Variants in DOK6 observed in about 807,000 individuals in gnomAD.
The protein encoded by DOK6 is downstream of tyrosine kinase 6.
DOK6 carries 22 observed loss-of-function variants against 44.0 expected under a neutral mutation model. The observed-to-expected ratio is 0.50, with a 90% confidence interval of 0.36 to 0.71. The LOEUF is 0.71. Ranked by LOEUF, DOK6 falls within the 30% of genes least tolerant of loss-of-function variation. DOK6 has a pLI of 0.00. For missense variants in DOK6, 340 were observed against 416.4 expected, an observed-to-expected ratio of 0.82 and a Z score of 1.60; for synonymous variants, 166 against 145.5, an observed-to-expected ratio of 1.14 and a Z score of -1.01.
chr18:69,569,677 A>G (rs998714687), intron 2 of DOK6, among the ~76,000 whole-genome samples: 2 of 152,224 alleles, frequency 1.3e-5, no homozygotes, highest in African/African-American at 4.8e-5. Flanking sequence ...TTTAATTTTA[A>G]AAAAAGTATT....
At position 69,485,881 on chromosome 18, in the gene DOK6, A is replaced by ATGTGTGTGTGTGTGTGTG. The variant is rs3044887; in HGVS notation, c.67-78598_67-78581dup. On this transcript the variant is annotated intron_variant, in intron 1 of 7. Transcript: ENST00000382713. ...ATCCATATATATAGTATACGTATATATGTGTGTGTGTGTGTGTGTGTGTGT... is the reference window on the plus strand; with the variant it reads ...ATCCATATATATAGTATACGTATATATGTGTGTGTGTGTGTGTGTGTGTGTGTGTGTGTGTGTGTGTGT... Among the ~76,000 whole-genome samples, 13 of 147,224 alleles carry ATGTGTGTGTGTGTGTGTG rather than the reference A, an allele frequency of 8.8e-5. 1 individual carries two copies. The highest frequency in any genetic ancestry group is 3.2e-4 in the African/African-American group (13 of 40,080).
chr18:69,545,116 T>TC (rs1555711861), intron 1 of DOK6, among the ~76,000 whole-genome samples: 1 of 145,080 alleles, frequency 6.9e-6, no homozygotes, highest in Admixed American at 6.9e-5. Flanking sequence ...CGAGACACCA[T>TC]AAAAAAAAAA....
rs138566632 is a variant in DOK6, at chr18:69,713,828, T to C, written c.599+15235T>C. 2.0e-3 allele frequency among the ~76,000 whole-genome samples: 309 copies of C among 152,296 alleles called. 1 individual carries two copies. The highest frequency in any genetic ancestry group is 3.4e-3 in the Middle Eastern group (1 of 294). On this transcript the variant is annotated intron_variant, in intron 5 of 7. Coordinates refer to ENST00000382713, the MANE Select transcript of DOK6 (RefSeq NM_152721.6). The stretch of plus-strand genomic sequence containing the variant: ...AAACTCCCAGGATGGTAGATCTGCA[T>C]TGGTGTTGTGGTATATCACCATGAA...
chr18:69,515,433 G>A (rs367673576), intron 1 of DOK6, among the ~76,000 whole-genome samples: 31 of 152,192 alleles, frequency 2.0e-4, no homozygotes, highest in Middle Eastern at 3.4e-3. Flanking sequence ...TTGCTTCGTC[G>A]GTCATCTGTC....
intron 3 of DOK6, among the ~76,000 whole-genome samples, chr18:69,645,747 T>G (rs1487109208): frequency 6.6e-6 from 1 of 152,196 alleles, no homozygotes; most frequent in African/African-American, 2.4e-5. Flanking sequence ...ATAGCAGCTT[T>G]ACTTGTAATA....
chr18:69,540,190 C>T (rs1362060340), intron 1 of DOK6, among the ~76,000 whole-genome samples: 1 of 152,148 alleles, frequency 6.6e-6, no homozygotes, highest in East Asian at 1.9e-4. Flanking sequence ...TGGGTGGGAA[C>T]ACAGAACCTA....
intron 7 of DOK6, among the ~76,000 whole-genome samples, chr18:69,792,092 T>G (rs1170174716): frequency 6.6e-6 from 1 of 152,184 alleles, no homozygotes; most frequent in African/African-American, 2.4e-5. Context: ...GGGTCCCCTA[T>G]ACTCTCCCAT....
chr18:69,710,686 CT>C (rs1986735690), intron 5 of DOK6, among the ~76,000 whole-genome samples: 1 of 152,088 alleles, frequency 6.6e-6, no homozygotes, highest in Admixed American at 6.5e-5. Flanking sequence ...CACTAGATTT[CT>C]TTTGTTAATA....
At chr18:69,415,704 A>C (rs1214447636) in intron 1 of DOK6, among the ~76,000 whole-genome samples, 1 of 152,064 alleles carries the variant, frequency 6.6e-6, no homozygotes, top group African/African-American at 2.4e-5. Flanking sequence ...TCAGCACCTA[A>C]AGGTCAATGC....
At chr18:69,596,663 C>T (rs540764312) in intron 2 of DOK6, among the ~76,000 whole-genome samples, 30 of 152,178 alleles carry the variant, frequency 2.0e-4, no homozygotes, top group African/African-American at 5.1e-4. Context: ...ATAAAGGCAT[C>T]GTGAGACAGA....
chr18:69,751,542 T>C (rs115253323), intron 6 of DOK6, among the ~76,000 whole-genome samples: 1,555 of 152,302 alleles, frequency 0.01, 20 homozygotes, highest in African/African-American at 0.036. Flanking sequence ...ATTATGTGTA[T>C]ATTTGAGTGT....
chr18:69,824,326 A>G (rs62090531), intron 7 of DOK6, among the ~76,000 whole-genome samples: 39,364 of 150,600 alleles, frequency 0.26, 5,150 homozygotes, highest in Non-Finnish European at 0.27. Context: ...ATAGTTTGCT[A>G]AGAATGATGG....
intron 1 of DOK6, among the ~76,000 whole-genome samples, chr18:69,410,448 A>G (rs182388622): frequency 3.3e-5 from 5 of 152,362 alleles, no homozygotes; most frequent in African/African-American, 4.8e-5. Flanking sequence ...AGACTCCTCT[A>G]AACTGCGAAT....
At chr18:69,630,773 A>G (rs1221408316) in intron 3 of DOK6, among the ~76,000 whole-genome samples, 2 of 152,240 alleles carry the variant, frequency 1.3e-5, no homozygotes, top group African/African-American at 4.8e-5. Flanking sequence ...ATTGCACTGT[A>G]TAATACAAAT....
intron 1 of DOK6, among the ~76,000 whole-genome samples, chr18:69,550,452 C>G (rs1982533023): frequency 6.6e-6 from 1 of 152,052 alleles, no homozygotes; most frequent in Non-Finnish European, 1.5e-5. Context: ...ATATTTTTTT[C>G]CTCCTTCTCA....
chr18:69,531,064 G>A (rs1052598731), intron 1 of DOK6, among the ~76,000 whole-genome samples: 2 of 151,654 alleles, frequency 1.3e-5, no homozygotes, highest in Non-Finnish European at 2.9e-5. Flanking sequence ...TTTTATCAGA[G>A]ACTAGGATTA....
intron 1 of DOK6, among the ~76,000 whole-genome samples, chr18:69,433,014 T>A (rs1473740128): frequency 6.6e-6 from 1 of 152,182 alleles, no homozygotes; most frequent in Non-Finnish European, 1.5e-5. Context: ...TTTATTTGTT[T>A]TGATGGTTTT....
At chr18:69,694,015 C>T (rs1048691222) in intron 4 of DOK6, among the ~76,000 whole-genome samples, 4 of 142,496 alleles carry the variant, frequency 2.8e-5, no homozygotes, top group African/African-American at 1.1e-4. Flanking sequence ...GCCGAGATCC[C>T]GCCACCGCAC....
chr18:69,711,624 T>C (rs760834308), intron 5 of DOK6, among the ~76,000 whole-genome samples: 2 of 152,216 alleles, frequency 1.3e-5, no homozygotes. Context: ...CCATTTTCCT[T>C]TGACATTTGT....
Sources: allele counts gnomAD v4.1 joint callset (sites outside exome capture counted in the v4.1 genomes callset), GRCh38; gene constraint gnomAD v4.1.1; transcripts MANE v1.5; gene names NCBI Gene and HGNC (gene_info 2026-07-23, HGNC 2026-07-21).